Variants in CAMTA1 observed in about 807,000 individuals in gnomAD.
The protein encoded by CAMTA1 is calmodulin-binding transcription activator 1.
Under a neutral mutation model 170.9 loss-of-function variants are expected in CAMTA1, and 27 were observed. The ratio of observed to expected loss-of-function variants is 0.16; its 90% CI spans 0.12 to 0.22. CAMTA1 has a LOEUF of 0.22. Among genes scored for constraint, CAMTA1 ranks in the 10% least tolerant of loss-of-function variants. CAMTA1 has a pLI of 1.00. For synonymous variants in CAMTA1, 833 were observed against 891.5 expected (o/e 0.93, Z 1.17); for missense variants, 1,619 against 2,217.2 (o/e 0.73, Z 5.42).
At chr1:7,589,723 C>T (rs1350083358) in intron 6 of CAMTA1, among the ~76,000 whole-genome samples, 1 of 152,118 alleles carries the variant, frequency 6.6e-6, no homozygotes, top group East Asian at 1.9e-4. Flanking sequence ...CTGGACAGAC[C>T]CCCAAAGCCC....
chr1:7,505,417 A>G (rs777430963), intron 6 of CAMTA1, among the ~76,000 whole-genome samples: 12 of 152,194 alleles, frequency 7.9e-5, no homozygotes, highest in Non-Finnish European at 1.8e-4. Context: ...TGGGCGGCCC[A>G]GGACAGACAG....
rs117258483 is a variant in CAMTA1 at position 7,530,854 on chromosome 1, C to T, written c.510+62953C>T. Among the ~76,000 whole-genome samples the T allele has an allele frequency of 2.1e-3, 248 of 116,514 alleles. 7 individuals are homozygous for T. In the East Asian group the frequency reaches 0.058, roughly 27 times the overall value. The allele number at this position is 116,514 out of a possible 152,430, so 76.4% of individuals were successfully genotyped here. A position where few individuals can be genotyped will look rare whatever the true frequency, so the allele number is the denominator to read the frequency against. ...TTTTGAGACTGAGTCTTGCTCTTGT[C>T]GCCCAGGCTAGAGTGCAATGTGCAA... On this transcript the variant is annotated intron_variant, in intron 6 of 22. Coordinates refer to ENST00000303635, the MANE Select transcript of CAMTA1 (RefSeq NM_015215.4).
chr1:7,751,069 C>T (rs1414477138), intron 19 of CAMTA1, 130 bp from the exon 20 acceptor site: 2 of 798,686 alleles, frequency 2.5e-6, no homozygotes, highest in Non-Finnish European at 4.3e-6. Context: ...TGTGATTAAA[C>T]CCCGGACAGA....
chr1:7,553,665 T>G (rs1190517499), intron 6 of CAMTA1, among the ~76,000 whole-genome samples: 1 of 152,242 alleles, frequency 6.6e-6, no homozygotes, highest in Non-Finnish European at 1.5e-5. Flanking sequence ...CTTCCCTGGT[T>G]TAAGCCTCAG....
At chr1:6,933,852 A>G (rs192942900) in intron 3 of CAMTA1, among the ~76,000 whole-genome samples, 1 of 152,124 alleles carries the variant, frequency 6.6e-6, no homozygotes, top group East Asian at 1.9e-4. Flanking sequence ...CCAATACCCC[A>G]CTGTCTTGAC....
At chr1:7,261,599 A>AT (rs1268945746) in intron 5 of CAMTA1, among the ~76,000 whole-genome samples, 1 of 152,240 alleles carries the variant, frequency 6.6e-6, no homozygotes, top group African/African-American at 2.4e-5. Flanking sequence ...AGGACAGCAG[A>AT]TCAGAATGCC....
rs2095109803 is a variant in CAMTA1, at chr1:7,570,290, C to A, written c.511-70110C>A. Among the ~76,000 whole-genome samples, 1 of 152,222 alleles carries A rather than the reference C, an allele frequency of 6.6e-6. No individual in the cohort carries two copies. Among genetic ancestry groups the A allele is most frequent in the South Asian group, 2.1e-4 (1 of 4,834 alleles). ...GATCCCTGAGGAGATGCAACCCTTCCTTTAAAAGTTCCTACATTCCACTGT... is the reference window on the plus strand; with the variant it reads ...GATCCCTGAGGAGATGCAACCCTTCATTTAAAAGTTCCTACATTCCACTGT... On this transcript the variant is annotated intron_variant, in intron 6 of 22. Transcript: ENST00000303635. The surrounding 1 kb of genome is among the most constrained non-coding windows in gnomAD (Gnocchi z 4.3).
chr1:7,655,290 A>ACT (rs2095886516), intron 7 of CAMTA1, among the ~76,000 whole-genome samples: 2 of 143,230 alleles, frequency 1.4e-5, no homozygotes, highest in African/African-American at 5.1e-5. Context: ...TTATACACAC[A>ACT]CACACCTATA....
At chr1:7,666,395 C>G (rs2096002145) in intron 9 of CAMTA1, among the ~76,000 whole-genome samples, 1 of 152,324 alleles carries the variant, frequency 6.6e-6, no homozygotes, top group Non-Finnish European at 1.5e-5. Flanking sequence ...CACCCTCCCC[C>G]AGCCCCCAGG....
At chr1:7,127,942 T>C (rs1260669435) in intron 4 of CAMTA1, among the ~76,000 whole-genome samples, 1 of 152,202 alleles carries the variant, frequency 6.6e-6, no homozygotes, top group Non-Finnish European at 1.5e-5. Flanking sequence ...ACTAAAGGAT[T>C]AGAGCGGCTC....
At chr1:7,164,315 C>T (rs1052165891) in intron 4 of CAMTA1, among the ~76,000 whole-genome samples, 7 of 152,208 alleles carry the variant, frequency 4.6e-5, no homozygotes, top group South Asian at 4.1e-4. Context: ...TGAATTGGGT[C>T]GTTGAAGGAG....
chr1:6,944,864 A>G (rs774825798), intron 3 of CAMTA1, among the ~76,000 whole-genome samples: 12 of 152,170 alleles, frequency 7.9e-5, no homozygotes, highest in Middle Eastern at 6.3e-3. Context: ...ACTCTAGACT[A>G]ATGGAAATGC....
chr1:7,625,405 G>A lies in CAMTA1; in HGVS notation c.511-14995G>A, dbSNP rs143460374. ...CAGTGGCAGGACTGCTCTGTGGCCT[G>A]ATTCTGCCCCCATCGGGCTGACAGG... On this transcript the variant is annotated intron_variant, in intron 6 of 22. Transcript: ENST00000303635. Among the ~76,000 whole-genome samples the A allele has an allele frequency of 1.6e-3, 250 of 152,386 alleles. 1 individual carries two copies. Among genetic ancestry groups the A allele is most frequent in the African/African-American group, 5.9e-3 (244 of 41,596 alleles).
At chr1:7,022,987 T>C (rs1396741238) in intron 3 of CAMTA1, among the ~76,000 whole-genome samples, 1 of 152,178 alleles carries the variant, frequency 6.6e-6, no homozygotes, top group Admixed American at 6.5e-5. Context: ...CCTTAAGGGC[T>C]GAGGTTTCAC....
chr1:7,467,826 C>G lies in CAMTA1; in HGVS notation c.439-4C>G, dbSNP rs918660621. The G allele has an allele frequency of 6.2e-7, 1 of 1,612,278 alleles. No individual in the cohort carries two copies. Among genetic ancestry groups the G allele is most frequent in the Non-Finnish European group, 8.5e-7 (1 of 1,178,290 alleles). ...CTGAATTCTCGTTTTTCCTCTCTCC[C>G]TAGTGCTTGTACGGCTGCTATGTCC... On this transcript the variant is annotated splice_region_variant and splice_polypyrimidine_tract_variant and intron_variant, in intron 5 of 22. Transcript: ENST00000303635.
chr1:7,139,003 AT>A (rs1558154352), intron 4 of CAMTA1, among the ~76,000 whole-genome samples: 31 of 142,798 alleles, frequency 2.2e-4, no homozygotes, highest in African/African-American at 5.7e-4. Flanking sequence ...TCAAAAAAAT[AT>A]ATATATATAT....
rs186059894 is a variant in CAMTA1 at position 6,864,729 on chromosome 1, G to T, written c.234+39519G>T. On this transcript the variant is annotated intron_variant, in intron 3 of 22. Coordinates refer to ENST00000303635, the MANE Select transcript of CAMTA1 (RefSeq NM_015215.4). The stretch of plus-strand genomic sequence containing the variant: ...CCATTTACATGTTGTTTCTTCAGGG[G>T]ACATTTCCCATCCACTTGCAGGGTC... Among the ~76,000 whole-genome samples the T allele has an allele frequency of 2.0e-5, 3 of 152,268 alleles. No homozygotes were observed. The East Asian group carries it at 5.8e-4, about 29-fold the overall frequency.
chr1:7,649,833 C>T (rs1437403087), intron 7 of CAMTA1, among the ~76,000 whole-genome samples: 2 of 152,174 alleles, frequency 1.3e-5, no homozygotes, highest in Admixed American at 6.5e-5. Context: ...ACGTCCTGGG[C>T]CCTGACTGCT....
At position 7,532,218 on chromosome 1, in the gene CAMTA1, A is replaced by T. The variant is rs1428509311; in HGVS notation, c.510+64317A>T. ...TGTGTGGCCTTCGGATTCTTGGTGG[A>T]GGGGACATTCTTGCACACTAGTGCC... is the stretch of plus-strand genomic sequence containing the variant. On this transcript the variant is annotated intron_variant, in intron 6 of 22. Transcript: ENST00000303635. The surrounding 1 kb of genome is among the most constrained non-coding windows in gnomAD (Gnocchi z 4.2). Among the ~76,000 whole-genome samples the T allele has an allele frequency of 1.3e-5, 2 of 152,110 alleles. No homozygotes were observed. The highest frequency in any genetic ancestry group is 4.8e-5 in the African/African-American group (2 of 41,438).
Sources: allele counts gnomAD v4.1 joint callset (sites outside exome capture counted in the v4.1 genomes callset), GRCh38; gene constraint gnomAD v4.1.1; non-coding constraint Gnocchi (gnomAD v3.1); transcripts MANE v1.5; gene names NCBI Gene and HGNC (gene_info 2026-07-23, HGNC 2026-07-21).